Variants in SPATS2L observed in about 807,000 individuals in gnomAD.
SPATS2L encodes the protein SPATS2-like protein.
Under a neutral mutation model 59.6 loss-of-function variants are expected in SPATS2L, and 30 were observed. The observed-to-expected ratio is 0.50, with a 90% CI of 0.38 to 0.68. The LOEUF is 0.68. SPATS2L is among the 30% of genes least tolerant of loss of function. The probability of loss-of-function intolerance (pLI) is 0.00; values close to 1 mark genes in which losing one functional copy is unlikely to be tolerated. For synonymous variants in SPATS2L, 252 were observed against 263.5 expected (o/e 0.96, Z 0.42); for missense variants, 615 against 700.0 (o/e 0.88, Z 1.37).
At chr2:200,447,909 GA>G (rs2085157169) in intron 8 of SPATS2L, among the ~76,000 whole-genome samples, 2 of 152,178 alleles carry the variant, frequency 1.3e-5, no homozygotes, top group South Asian at 4.1e-4. Flanking sequence ...TAATTCCTTA[GA>G]TTAAACAAGT....
At chr2:200,361,839 T>C (rs536756054) in intron 2 of SPATS2L, among the ~76,000 whole-genome samples, 1 of 152,352 alleles carries the variant, frequency 6.6e-6, no homozygotes, top group South Asian at 2.1e-4. Context: ...AGAAAAACTA[T>C]AATGTTAATT....
intron 3 of SPATS2L, among the ~76,000 whole-genome samples, chr2:200,391,393 T>G (rs2082169177): frequency 6.6e-6 from 1 of 152,206 alleles, no homozygotes; most frequent in African/African-American, 2.4e-5. Flanking sequence ...TTTATTAATA[T>G]TCTAAGTATA....
At chr2:200,426,187 T>A (rs954496539) in intron 6 of SPATS2L, among the ~76,000 whole-genome samples, 1 of 147,476 alleles carries the variant, frequency 6.8e-6, no homozygotes, top group African/African-American at 2.5e-5. Context: ...ATCTCCTGGG[T>A]TCAAGCGATT....
chr2:200,470,840 T>TA (rs1389207684), intron 11 of SPATS2L, among the ~76,000 whole-genome samples: 1 of 152,222 alleles, frequency 6.6e-6, no homozygotes, highest in Non-Finnish European at 1.5e-5. Context: ...TCAATATATT[T>TA]AACCAGTCAT....
rs1163387784 is a variant in SPATS2L, at chr2:200,479,790, A to G, written c.*1759A>G. On this transcript the variant is annotated 3_prime_UTR_variant, in exon 13 of 13. Transcript: ENST00000409140. ...AGCGGCCCTGAGCAGCTGAGCCTGC[A>G]AGCCACGCAAGCATCTGTTTCTTCT... is the stretch of plus-strand genomic sequence containing the variant. 5.0e-6 allele frequency: 2 copies of G among 398,524 alleles called. No individual in the cohort carries two copies. Among genetic ancestry groups the G allele is most frequent in the Non-Finnish European group, 8.8e-6 (2 of 226,104 alleles). 24.7% of individuals were successfully genotyped at this position (398,524 alleles called of 1,614,324 possible).
At chr2:200,403,688 A>C (rs948495371) in intron 3 of SPATS2L, among the ~76,000 whole-genome samples, 3 of 152,110 alleles carry the variant, frequency 2.0e-5, no homozygotes, top group Non-Finnish European at 4.4e-5. Context: ...CATTTCTTAC[A>C]GTTCAGTTTG....
At chr2:200,351,071 A>C (rs1490183246) in intron 2 of SPATS2L, 4 of 350,148 alleles carry the variant, frequency 1.1e-5, no homozygotes, top group Non-Finnish European at 2.3e-5. Context: ...ACCAAAAGTT[A>C]ACCTCACAGC....
intron 6 of SPATS2L, among the ~76,000 whole-genome samples, chr2:200,431,242 TA>T (rs1352000040): frequency 1.3e-5 from 2 of 152,246 alleles, no homozygotes; most frequent in African/African-American, 4.8e-5. Context: ...TGGAACTTTT[TA>T]AGAAGTTTCT....
chr2:200,343,640 A>T (rs1157743610), intron 2 of SPATS2L, among the ~76,000 whole-genome samples: 1 of 152,204 alleles, frequency 6.6e-6, no homozygotes, highest in Non-Finnish European at 1.5e-5. Flanking sequence ...AGCCACAAAG[A>T]TGTTCATTAC....
At chr2:200,359,738 C>T (rs930694910) in intron 2 of SPATS2L, among the ~76,000 whole-genome samples, 3 of 152,232 alleles carry the variant, frequency 2.0e-5, no homozygotes, top group African/African-American at 7.2e-5. Context: ...TCAGTCCTCA[C>T]CTCCTTCCAG....
rs184298865 is a variant in SPATS2L, at chr2:200,439,840, T to G, written c.652+512T>G. Among the ~76,000 whole-genome samples the G allele has an allele frequency of 3.8e-3, 578 of 152,300 alleles. 6 individuals are homozygous for G. Among genetic ancestry groups the G allele is most frequent in the Non-Finnish European group, 5.1e-3 (347 of 68,020 alleles). On this transcript the variant is annotated intron_variant, in intron 7 of 12. Coordinates refer to ENST00000409140, the MANE Select transcript of SPATS2L (RefSeq NM_001100423.2). ...AGGGTTTTATATTTGACACGCTGGA[T>G]TTTTATGATTTTTCTGAGCTTGGAT...
At chr2:200,475,570 C>G (rs2087451550) in intron 12 of SPATS2L, among the ~76,000 whole-genome samples, 1 of 152,194 alleles carries the variant, frequency 6.6e-6, no homozygotes, top group Admixed American at 6.5e-5. Flanking sequence ...GCATTTATCT[C>G]AGTGAGCAGA....
At chr2:200,439,638 CA>C (rs1440538219) in intron 7 of SPATS2L, among the ~76,000 whole-genome samples, 1 of 152,176 alleles carries the variant, frequency 6.6e-6, no homozygotes, top group Non-Finnish European at 1.5e-5. Flanking sequence ...AGTGCTCATT[CA>C]GGAGCTCTTT....
At chr2:200,362,949 A>G (rs1308698539) in intron 2 of SPATS2L, among the ~76,000 whole-genome samples, 1 of 152,194 alleles carries the variant, frequency 6.6e-6, no homozygotes, top group African/African-American at 2.4e-5. Context: ...CTACTGTACA[A>G]TTGAATTAAA....
chr2:200,383,055 G>A (rs1056860976), intron 2 of SPATS2L, among the ~76,000 whole-genome samples: 16 of 152,058 alleles, frequency 1.1e-4, no homozygotes, highest in Admixed American at 1.0e-3. Flanking sequence ...AATACCCTGC[G>A]GGGCTTGTTA....
intron 3 of SPATS2L, among the ~76,000 whole-genome samples, chr2:200,392,407 C>A (rs184803415): frequency 6.6e-6 from 1 of 152,322 alleles, no homozygotes; most frequent in Admixed American, 6.5e-5. Context: ...GAACCCCTTT[C>A]CACATACCTT....
intron 2 of SPATS2L, among the ~76,000 whole-genome samples, chr2:200,379,547 A>G (rs925186450): frequency 6.6e-5 from 10 of 152,106 alleles, no homozygotes; most frequent in African/African-American, 2.4e-4. Context: ...GAGATGGGGG[A>G]AGGAAAGGAA....
intron 1 of SPATS2L, among the ~76,000 whole-genome samples, chr2:200,324,224 T>C (rs1251700549): frequency 6.6e-6 from 1 of 152,188 alleles, no homozygotes; most frequent in Non-Finnish European, 1.5e-5. Flanking sequence ...TGGACTATAC[T>C]GTAGGACCTT....
intron 2 of SPATS2L, among the ~76,000 whole-genome samples, chr2:200,362,645 T>C (rs1386653635): frequency 6.6e-6 from 1 of 152,208 alleles, no homozygotes; most frequent in East Asian, 1.9e-4. Context: ...GACCTTTAGA[T>C]GGGCGATTGT....
Sources: allele counts gnomAD v4.1 joint callset (sites outside exome capture counted in the v4.1 genomes callset), GRCh38; gene constraint gnomAD v4.1.1; transcripts MANE v1.5; gene names NCBI Gene and HGNC (gene_info 2026-07-23, HGNC 2026-07-21).